PRDM14: variants seen among roughly 807,000 people sequenced by gnomAD.
PRDM14 encodes PR domain zinc finger protein 14.
Under a neutral mutation model 48.0 loss-of-function variants are expected in PRDM14, and 16 were observed. The ratio of observed to expected loss-of-function variants is 0.33; its 90% CI spans 0.23 to 0.51. The LOEUF (loss-of-function observed/expected upper bound fraction) is 0.51. PRDM14 is among the 20% of genes least tolerant of loss of function. The pLI is 0.97. For missense variants in PRDM14, 566 were observed against 719.6 expected, an observed-to-expected ratio of 0.79 and a Z score of 2.44; for synonymous variants, 264 against 276.6, an observed-to-expected ratio of 0.95 and a Z score of 0.45.
chr8:70,067,703 CTT>C (rs890490339), intron 4 of PRDM14, among the ~76,000 whole-genome samples: 2 of 152,074 alleles, frequency 1.3e-5, no homozygotes, highest in Admixed American at 6.6e-5. Flanking sequence ...GGTCAAGGGA[CTT>C]TGAACATTTT....
At chr8:70,063,159 C>CA (rs1805613896) in intron 5 of PRDM14, among the ~76,000 whole-genome samples, 2 of 152,092 alleles carry the variant, frequency 1.3e-5, no homozygotes. Flanking sequence ...AATGGCCGGC[C>CA]ATGGTGTCTC....
rs2131032776 is a variant in PRDM14, at chr8:70,052,019, C to T, written c.*58G>A. ...GAACTCCTGGACTTGAGTGATCCAC[C>T]CACCTCTGCCTCCCAAAGTGCTGGG... On this transcript the variant is annotated 3_prime_UTR_variant, in exon 8 of 8. Coordinates refer to ENST00000276594, the MANE Select transcript of PRDM14 (RefSeq NM_024504.4). 1 of 1,233,546 alleles carries T rather than the reference C, an allele frequency of 8.1e-7. No individual in the cohort carries two copies. The highest frequency in any genetic ancestry group is 1.2e-6 in the Non-Finnish European group (1 of 862,474). 76.4% of individuals were successfully genotyped at this position (1,233,546 alleles called of 1,614,324 possible).
At chr8:70,064,771 C>G (rs534763399) in intron 5 of PRDM14, among the ~76,000 whole-genome samples, 1 of 151,842 alleles carries the variant, frequency 6.6e-6, no homozygotes, top group Admixed American at 6.6e-5. Context: ...GTGATCCGCC[C>G]GCCTCACCTC....
At chr8:70,060,565 TCAAA>T (rs533523534) in intron 5 of PRDM14, among the ~76,000 whole-genome samples, 7 of 152,238 alleles carry the variant, frequency 4.6e-5, no homozygotes, top group African/African-American at 9.6e-5. Context: ...AAATTAGGCT[TCAAA>T]CAAAGTCTAC....
chr8:70,060,007 C>T (rs1412001161), intron 5 of PRDM14, among the ~76,000 whole-genome samples: 1 of 150,716 alleles, frequency 6.6e-6, no homozygotes, highest in Non-Finnish European at 1.5e-5. Flanking sequence ...GCAGGAGAAT[C>T]ACTTGAACCT....
At chr8:70,063,150 A>T (rs1314409863) in intron 5 of PRDM14, among the ~76,000 whole-genome samples, 2 of 152,130 alleles carry the variant, frequency 1.3e-5, no homozygotes, top group Non-Finnish European at 2.9e-5. Flanking sequence ...TTTCTCAAAA[A>T]TGGCCGGCCA....
intron 5 of PRDM14, among the ~76,000 whole-genome samples, chr8:70,062,002 C>T (rs995884346): frequency 5.3e-5 from 8 of 152,208 alleles, no homozygotes; most frequent in Non-Finnish European, 1.2e-4. Context: ...GGGAAAAAAA[C>T]TCATTTGAGA....
At chr8:70,070,063 A>T (rs1805741220) in intron 1 of PRDM14, among the ~76,000 whole-genome samples, 179 bp from the exon 2 acceptor site, 1 of 152,156 alleles carries the variant, frequency 6.6e-6, no homozygotes, top group African/African-American at 2.4e-5. Flanking sequence ...AAAAACAGCA[A>T]TAGAAGCAAA....
chr8:70,055,552 C>T, intron 6 of PRDM14, 151 bp from the exon 7 acceptor site: 1 of 521,962 alleles, frequency 1.9e-6, no homozygotes, highest in South Asian at 2.1e-5. Context: ...GTTACCCAGA[C>T]TGGACTGCAG....
intron 6 of PRDM14, among the ~76,000 whole-genome samples, chr8:70,056,107 G>A (rs141321444): frequency 6.6e-5 from 10 of 152,318 alleles, no homozygotes; most frequent in East Asian, 3.9e-4. Context: ...GAGGGGTGAC[G>A]ATGAACATGT....
intron 5 of PRDM14, among the ~76,000 whole-genome samples, chr8:70,062,629 A>G (rs1805605873): frequency 6.6e-6 from 1 of 151,674 alleles, no homozygotes; most frequent in African/African-American, 2.4e-5. Context: ...ATGCCCAGCT[A>G]ATTTGTTTGT....
intron 7 of PRDM14, among the ~76,000 whole-genome samples, chr8:70,054,416 G>C (rs964124336): frequency 1.3e-5 from 2 of 152,138 alleles, no homozygotes; most frequent in African/African-American, 4.8e-5. Context: ...AAACTAACAG[G>C]AGTTCATGGA....
At chr8:70,063,618 G>A (rs529438054) in intron 5 of PRDM14, among the ~76,000 whole-genome samples, 2 of 151,876 alleles carry the variant, frequency 1.3e-5, no homozygotes, top group Admixed American at 1.3e-4. Flanking sequence ...CTGCTCCTGG[G>A]TTCAAGCGAT....
rs10216606 is a variant in PRDM14 at position 70,071,153 on chromosome 8, C to G, written c.-28G>C. On this transcript the variant is annotated 5_prime_UTR_variant, in exon 1 of 8. Transcript: ENST00000276594. This position sits in a 1 kb window ranked among gnomAD's most constrained non-coding sequence, Gnocchi z 5.2. Reference sequence around the variant, plus strand: ...GCGCGTCCTGTCCCGTGCCTACCTCCGACACCACCTCCAAGAGCGCCACCG... The same window carrying G: ...GCGCGTCCTGTCCCGTGCCTACCTCGGACACCACCTCCAAGAGCGCCACCG... 1 of 152,246 alleles carries G rather than the reference C, an allele frequency of 6.6e-6. No homozygotes were observed. Among genetic ancestry groups the G allele is most frequent in the East Asian group, 1.9e-4 (1 of 5,170 alleles). The allele number at this position is 152,246 out of a possible 1,614,324, so 9.4% of individuals were successfully genotyped here. A position where few individuals can be genotyped will look rare whatever the true frequency, so the allele number is the denominator to read the frequency against.
chr8:70,069,102 C>A (rs1286609748), intron 2 of PRDM14, 59 bp downstream of exon 2: 1 of 1,361,588 alleles, frequency 7.3e-7, no homozygotes, highest in Admixed American at 2.6e-5. Context: ...CCCGGACACT[C>A]CCGTTCCCGC....
chr8:70,057,006 C>T lies in PRDM14; in HGVS notation c.1387-1605G>A, dbSNP rs180931250. 4.1e-3 allele frequency among the ~76,000 whole-genome samples: 620 copies of T among 151,256 alleles called. 3 individuals carry two copies. Among genetic ancestry groups the T allele is most frequent in the Non-Finnish European group, 5.5e-3 (373 of 67,854 alleles). The stretch of plus-strand genomic sequence containing the variant: ...TTTGAGACGGAGTCTCGCTCTGTCA[C>T]CCAGGCTGGAGTGCGGTGGCGCGAT... On this transcript the variant is annotated intron_variant, in intron 6 of 7. Coordinates refer to ENST00000276594, the MANE Select transcript of PRDM14 (RefSeq NM_024504.4).
chr8:70,060,058 A>T (rs1406084373), intron 5 of PRDM14, among the ~76,000 whole-genome samples: 1 of 144,136 alleles, frequency 6.9e-6, no homozygotes, highest in Non-Finnish European at 1.5e-5. Context: ...GCACCACTGC[A>T]CTCCAGCCTG....
At position 70,051,947 on chromosome 8, in the gene PRDM14, T is replaced by C. The variant is rs984338495; in HGVS notation, c.*130A>G. 8.0e-6 allele frequency: 5 copies of C among 623,486 alleles called. No individual in the cohort carries two copies. In the Admixed American group the frequency reaches 1.5e-4, roughly 19 times the overall value. The allele number at this position is 623,486 out of a possible 1,614,324, so 38.6% of individuals were successfully genotyped here. A position where few individuals can be genotyped will look rare whatever the true frequency, so the allele number is the denominator to read the frequency against. On this transcript the variant is annotated 3_prime_UTR_variant, in exon 8 of 8. Transcript: ENST00000276594. The stretch of plus-strand genomic sequence containing the variant: ...CCACCACCCCCAGCTGATTTTTGTA[T>C]TTTTTTGGTAGAGACAGGATTTCAC...
chr8:70,055,288 G>A lies in PRDM14; in HGVS notation c.1488+12C>T, dbSNP rs745785052. The A allele has an allele frequency of 1.4e-6, 2 of 1,457,654 alleles. No individual in the cohort carries two copies. The highest frequency in any genetic ancestry group is 1.7e-5 in the Admixed American group (1 of 59,342). The allele number at this position is 1,457,654 out of a possible 1,614,324, so 90.3% of individuals were successfully genotyped here. On this transcript the variant is annotated intron_variant, in intron 7 of 7. Transcript: ENST00000276594. ...GCTCAGGACACATCCCTTAGTAAGA[G>A]GTTCCATTTACCTTAGTACAATACA...
Sources: allele counts gnomAD v4.1 joint callset (sites outside exome capture counted in the v4.1 genomes callset), GRCh38; gene constraint gnomAD v4.1.1; non-coding constraint Gnocchi (gnomAD v3.1); transcripts MANE v1.5; gene names NCBI Gene and HGNC (gene_info 2026-07-23, HGNC 2026-07-21).